Variants in APPBP2 observed in about 807,000 individuals in gnomAD.
APPBP2 encodes the protein amyloid protein-binding protein 2.
APPBP2 carries 15 observed loss-of-function variants against 76.0 expected under a neutral mutation model. That is an observed-to-expected ratio of 0.20 (90% confidence interval 0.13 to 0.30). The LOEUF is 0.30. Among genes scored for constraint, APPBP2 ranks in the 10% least tolerant of loss-of-function variants. APPBP2 has a pLI of 1.00. For synonymous variants in APPBP2, 222 were observed against 242.2 expected, an observed-to-expected ratio of 0.92 and a Z score of 0.77; for missense variants, 401 against 687.2, an observed-to-expected ratio of 0.58 and a Z score of 4.66.
chr17:60,496,226 G>A (rs990547977), intron 2 of APPBP2, among the ~76,000 whole-genome samples: 1 of 152,200 alleles, frequency 6.6e-6, no homozygotes, highest in Non-Finnish European at 1.5e-5. Context: ...TTAGACAGTG[G>A]TGATGGTTAC....
At chr17:60,507,712 T>C (rs908358253) in intron 1 of APPBP2, among the ~76,000 whole-genome samples, 40 of 152,180 alleles carry the variant, frequency 2.6e-4, no homozygotes, top group Non-Finnish European at 2.9e-4. Context: ...ATTAACCCGG[T>C]TGGTAAATTT....
intron 3 of APPBP2, among the ~76,000 whole-genome samples, chr17:60,488,348 A>C (rs2090698192): frequency 6.6e-6 from 1 of 152,218 alleles, no homozygotes. Flanking sequence ...ATTTATATTA[A>C]ATTCTGTCTC....
At chr17:60,520,330 C>T (rs1302976115) in intron 1 of APPBP2, among the ~76,000 whole-genome samples, 2 of 152,126 alleles carry the variant, frequency 1.3e-5, no homozygotes, top group East Asian at 1.9e-4. Context: ...CCCAGCACTT[C>T]GGGAGGCCGA....
At chr17:60,500,601 G>A in intron 1 of APPBP2, 114 bp from the exon 2 acceptor site, 1 of 735,410 alleles carries the variant, frequency 1.4e-6, no homozygotes, top group Non-Finnish European at 2.3e-6. Context: ...TATGTTAAGA[G>A]AAATGTAACA....
intron 1 of APPBP2, among the ~76,000 whole-genome samples, chr17:60,505,194 G>A (rs2090856525): frequency 6.6e-6 from 1 of 152,100 alleles, no homozygotes; most frequent in Non-Finnish European, 1.5e-5. Context: ...TACCACTCTT[G>A]TCTCCCTCAA....
chr17:60,518,853 G>A (rs1463305365), intron 1 of APPBP2, among the ~76,000 whole-genome samples: 1 of 151,960 alleles, frequency 6.6e-6, no homozygotes, highest in Non-Finnish European at 1.5e-5. Flanking sequence ...TTCCTTCTGG[G>A]CTTTGGTTTC....
intron 3 of APPBP2, among the ~76,000 whole-genome samples, chr17:60,488,678 C>G (rs2090701099): frequency 6.6e-6 from 1 of 151,978 alleles, no homozygotes; most frequent in South Asian, 2.1e-4. Context: ...GGTTCTCTCT[C>G]CAAGGTATCT....
At position 60,446,009 on chromosome 17, in the gene APPBP2, C is replaced by T. The variant is rs2090343535; in HGVS notation, c.*1572G>A. ...ATTTGAAATCTACAACTTTTCTGTA[C>T]TCAATGTGGCAGACAGCTTAGATTT... On this transcript the variant is annotated 3_prime_UTR_variant, in exon 13 of 13. Transcript: ENST00000083182. The T allele has an allele frequency of 1.3e-5, 2 of 152,192 alleles. No homozygotes were observed. Among genetic ancestry groups the T allele is most frequent in the Non-Finnish European group, 1.5e-5 (1 of 68,042 alleles). 9.4% of individuals were successfully genotyped at this position (152,192 alleles called of 1,614,324 possible). A position where few individuals can be genotyped will look rare whatever the true frequency, so the allele number is the denominator to read the frequency against.
rs972628279 is a variant in APPBP2 at position 60,525,699 on chromosome 17, G to A, written c.138+95C>T. On this transcript the variant is annotated intron_variant, in intron 1 of 12. Transcript: ENST00000083182. The stretch of plus-strand genomic sequence containing the variant: ...TTCGGGAGGCAAGTCTGCCGGAAGG[G>A]GTGAGGGGTTAACTGCGGGGGTTCG... 3.8e-6 allele frequency: 6 copies of A among 1,568,746 alleles called. No homozygotes were observed. The African/African-American group carries it at 8.1e-5, about 21-fold the overall frequency.
chr17:60,522,236 T>C (rs555457757), intron 1 of APPBP2, among the ~76,000 whole-genome samples: 1 of 152,322 alleles, frequency 6.6e-6, no homozygotes, highest in South Asian at 2.1e-4. Flanking sequence ...ACTTCCTGTA[T>C]AAAAGCTACC....
In APPBP2 at chr17:60,486,146, G is replaced by A. The variant is rs112570959; in HGVS notation, c.380-6875C>T. Among the ~76,000 whole-genome samples the A allele has an allele frequency of 4.8e-3, 736 of 152,280 alleles. 7 individuals carry two copies. The highest frequency in any genetic ancestry group is 0.016 in the African/African-American group (685 of 41,556). ...ATGTGGTCAATTTTGGAATAAGTACGATGTGGTGCTGAGAAGAATATATTC... is the reference window on the plus strand; with the variant it reads ...ATGTGGTCAATTTTGGAATAAGTACAATGTGGTGCTGAGAAGAATATATTC... On this transcript the variant is annotated intron_variant, in intron 3 of 12. Transcript: ENST00000083182.
intron 5 of APPBP2, among the ~76,000 whole-genome samples, chr17:60,465,340 A>G (rs1305607464): frequency 6.6e-6 from 1 of 152,202 alleles, no homozygotes; most frequent in Non-Finnish European, 1.5e-5. Flanking sequence ...TCTGGGGTTG[A>G]TATTACCTCT....
intron 3 of APPBP2, among the ~76,000 whole-genome samples, chr17:60,487,440 A>G (rs1221781214): frequency 2.0e-5 from 3 of 152,016 alleles, no homozygotes; most frequent in Admixed American, 2.0e-4. Flanking sequence ...CATTTCATTA[A>G]TTTGATCTTC....
chr17:60,458,303 G>C (rs747302036), intron 9 of APPBP2, among the ~76,000 whole-genome samples: 3 of 151,982 alleles, frequency 2.0e-5, no homozygotes, highest in Non-Finnish European at 4.4e-5. Context: ...GTGTGGTGGC[G>C]TGTGCCTGTA....
At chr17:60,494,924 G>A (rs2090760980) in intron 2 of APPBP2, among the ~76,000 whole-genome samples, 1 of 151,110 alleles carries the variant, frequency 6.6e-6, no homozygotes, top group Non-Finnish European at 1.5e-5. Flanking sequence ...ACAATAAAAA[G>A]GTACATAACC....
At chr17:60,467,148 A>ATATT (rs149578440) in intron 4 of APPBP2, among the ~76,000 whole-genome samples, 91 of 151,996 alleles carry the variant, frequency 6.0e-4, no homozygotes, top group African/African-American at 1.9e-3. Flanking sequence ...GACTGGACAA[A>ATATT]TATTTATTTA....
intron 1 of APPBP2, among the ~76,000 whole-genome samples, chr17:60,523,581 C>G (rs1014312011): frequency 2.6e-5 from 4 of 152,158 alleles, no homozygotes; most frequent in African/African-American, 9.7e-5. Context: ...GTAGTCTCAG[C>G]TACTCAGTAG....
chr17:60,490,395 GAA>G (rs2090718286), intron 3 of APPBP2, among the ~76,000 whole-genome samples: 2 of 151,992 alleles, frequency 1.3e-5, no homozygotes, highest in African/African-American at 4.8e-5. Context: ...GTTTAATAGA[GAA>G]AAAAGAGCCA....
intron 1 of APPBP2, among the ~76,000 whole-genome samples, chr17:60,514,101 G>A (rs1309698510): frequency 6.6e-6 from 1 of 150,478 alleles, no homozygotes; most frequent in East Asian, 2.0e-4. Context: ...GAACCCAGGA[G>A]TTCAACACCA....
Sources: gnomAD v4.1 joint callset for allele counts (sites outside exome capture counted in the v4.1 genomes callset) on GRCh38, gnomAD v4.1.1 for gene constraint, MANE v1.5 for transcripts, NCBI Gene and HGNC (gene_info 2026-07-23, HGNC 2026-07-21) for gene names.